The following C1QTNF1 variants were observed in gnomAD, a reference collection of about 807,000 sequenced individuals.
C1QTNF1 encodes the protein C1q and TNF related 1, also known as complement C1q tumor necrosis factor-related protein 1.
C1QTNF1 carries 22 observed loss-of-function variants against 27.8 expected under a neutral mutation model. The observed-to-expected ratio is 0.79, with a 90% confidence interval of 0.56 to 1.13. The LOEUF (loss-of-function observed/expected upper bound fraction) is 1.13, where lower values mean the gene tolerates loss of function less well. C1QTNF1 is among the 50% of genes most tolerant of loss of function. The pLI is 0.00. For synonymous variants in C1QTNF1, 166 were observed against 154.3 expected (o/e 1.08, Z -0.56); for missense variants, 373 against 380.2 (o/e 0.98, Z 0.16).
intron 1 of C1QTNF1, chr17:79,027,625 C>T (rs2072006080): frequency 6.6e-6 from 1 of 152,284 alleles, no homozygotes. Context: ...TGAGATGCTC[C>T]AACTGCTGCC....
chr17:79,045,600 G>A (rs1312899246), intron 2 of C1QTNF1, among the ~76,000 whole-genome samples: 1 of 152,194 alleles, frequency 6.6e-6, no homozygotes, highest in Non-Finnish European at 1.5e-5. Context: ...GTGCCAGGGG[G>A]TTGGCGGAGG....
chr17:79,032,007 C>G (rs796821143), intron 1 of C1QTNF1, among the ~76,000 whole-genome samples: 6 of 152,290 alleles, frequency 3.9e-5, no homozygotes, highest in Admixed American at 6.5e-5. Flanking sequence ...GACGATGGCT[C>G]TGTACTTGGG....
chr17:79,046,970 T>C lies in C1QTNF1; in HGVS notation c.295+276T>C. 3 of 467,856 alleles carry C rather than the reference T, an allele frequency of 6.4e-6. No individual in the cohort carries two copies. The highest frequency in any genetic ancestry group is 1.1e-5 in the Non-Finnish European group (3 of 262,886). 29.0% of individuals were successfully genotyped at this position (467,856 alleles called of 1,614,324 possible). ...GCTACTCGGGGTCTCGTCCCTCCAG[T>C]TGTATGTGGACGCCAGGCTTCTAGG... On this transcript the variant is annotated intron_variant, in intron 3 of 3. Coordinates refer to ENST00000579760, the MANE Select transcript of C1QTNF1 (RefSeq NM_030968.5). The surrounding 1 kb of genome is among the most constrained non-coding windows in gnomAD (Gnocchi z 4.8).
rs148977889 is a variant in C1QTNF1, at chr17:79,047,807, G to A, written c.565G>A (p.Val189Met). The change falls in exon 4 of 4, where the codon GTG (valine) becomes ATG (methionine). Residue 189 changes from valine (V) to methionine (M), a missense_variant. Val to Met is a conservative substitution (Grantham distance 21, BLOSUM62 1). Coordinates refer to ENST00000579760, the MANE Select transcript of C1QTNF1 (RefSeq NM_030968.5). ...GTTCACCGGCAAGTTCTACTGCTAC[G>A]TGCCCGGCCTCTACTTCTTCAGCCT... is the stretch of plus-strand genomic sequence containing the variant. ...NMFTGKFYCYVPGLYFFSLNV... is the reference protein window; with the variant it reads ...NMFTGKFYCYMPGLYFFSLNV... 189 of 1,614,160 alleles carry A rather than the reference G, an allele frequency of 1.2e-4. No homozygotes were observed. In the East Asian group the frequency reaches 4.0e-3, roughly 34 times the overall value.
intron 1 of C1QTNF1, among the ~76,000 whole-genome samples, chr17:79,029,273 C>T (rs1192662461): frequency 6.6e-6 from 1 of 152,176 alleles, no homozygotes; most frequent in Non-Finnish European, 1.5e-5. Context: ...GGAGCCTATG[C>T]TCTCTGGCAT....
intron 1 of C1QTNF1, among the ~76,000 whole-genome samples, chr17:79,037,668 AATTATT>A (rs969392839): frequency 2.6e-5 from 4 of 151,954 alleles, no homozygotes; most frequent in African/African-American, 9.6e-5. Flanking sequence ...GAGGGATAAA[AATTATT>A]ATTATTATTA....
Position 79,046,754 on chromosome 17 carries a change from A to C in C1QTNF1, c.295+60A>C, listed in dbSNP as rs1240050459. 3 of 1,603,104 alleles carry C rather than the reference A, an allele frequency of 1.9e-6. No individual in the cohort carries two copies. The East Asian group carries it at 6.7e-5, about 36-fold the overall frequency. ...GGGCTGCTCTGTGCTGATCCGGAGG[A>C]AGGGATGGAGTCGTTAGGGTGGGGC... On this transcript the variant is annotated intron_variant, in intron 3 of 3. Transcript: ENST00000579760. The surrounding 1 kb of genome is among the most constrained non-coding windows in gnomAD (Gnocchi z 4.8).
Position 79,046,450 on chromosome 17 carries a change from A to T in C1QTNF1, c.156-105A>T, listed in dbSNP as rs905651779. 1.6e-5 allele frequency: 24 copies of T among 1,472,258 alleles called. 1 individual carries two copies. In the South Asian group the frequency reaches 3.0e-4, roughly 18 times the overall value. The allele number at this position is 1,472,258 out of a possible 1,614,324, so 91.2% of individuals were successfully genotyped here. Reference sequence around the variant, plus strand: ...AGAGCCTTGTGGGTCCAGGTGAGAGAGTGAGAAGGCAGGTCAGGCATGCCA... The same window carrying T: ...AGAGCCTTGTGGGTCCAGGTGAGAGTGTGAGAAGGCAGGTCAGGCATGCCA... On this transcript the variant is annotated intron_variant, in intron 2 of 3. Coordinates refer to ENST00000579760, the MANE Select transcript of C1QTNF1 (RefSeq NM_030968.5). The surrounding 1 kb of genome is among the most constrained non-coding windows in gnomAD (Gnocchi z 4.8).
intron 1 of C1QTNF1, chr17:79,025,996 T>G (rs1192819015): frequency 3.6e-6 from 1 of 277,042 alleles, no homozygotes; most frequent in Non-Finnish European, 7.1e-6. Flanking sequence ...TTATAATAAT[T>G]ATTATAATAG....
At chr17:79,027,743 G>A (rs998003213) in intron 1 of C1QTNF1, 3 of 152,308 alleles carry the variant, frequency 2.0e-5, no homozygotes, top group African/African-American at 4.8e-5. Context: ...TCAAGGTCAC[G>A]GCTGTGTGAC....
Position 79,048,942 on chromosome 17 carries a change from C to G in C1QTNF1, c.*854C>G, listed in dbSNP as rs1275130715. 1 of 152,156 alleles carries G rather than the reference C, an allele frequency of 6.6e-6. No individual in the cohort carries two copies. Among genetic ancestry groups the G allele is most frequent in the African/African-American group, 2.4e-5 (1 of 41,516 alleles). 9.4% of individuals were successfully genotyped at this position (152,156 alleles called of 1,614,324 possible). On this transcript the variant is annotated 3_prime_UTR_variant, in exon 4 of 4. Transcript: ENST00000579760. Reference sequence around the variant, plus strand: ...GCTCCACCCCTGTGCCACCCCAGAGCCCTGGGGGGTGGTCTCCATGCCTGC... The same window carrying G: ...GCTCCACCCCTGTGCCACCCCAGAGGCCTGGGGGGTGGTCTCCATGCCTGC...
chr17:79,041,507 G>C (rs59824781), intron 1 of C1QTNF1, among the ~76,000 whole-genome samples: 2 of 152,208 alleles, frequency 1.3e-5, no homozygotes, highest in South Asian at 4.1e-4. Context: ...GTCCTGGGCC[G>C]TGGCTCACGC....
At chr17:79,024,586 C>G (rs1390708520) in intron 1 of C1QTNF1, 92 bp downstream of exon 1, 1 of 152,360 alleles carries the variant, frequency 6.6e-6, no homozygotes, top group East Asian at 1.9e-4. Flanking sequence ...GACACCTGGG[C>G]CGGGACGGAC....
Position 79,046,918 on chromosome 17 carries a change from A to G in C1QTNF1, c.295+224A>G, listed in dbSNP as rs957102171. On this transcript the variant is annotated intron_variant, in intron 3 of 3. Transcript: ENST00000579760. This position sits in a 1 kb window ranked among gnomAD's most constrained non-coding sequence, Gnocchi z 4.8. ...GAGGGGTTGGAAAGGGGCCCACAGG[A>G]CCAAGAGCAGGAGAGGGAGCCCAGA... is the stretch of plus-strand genomic sequence containing the variant. 1.0e-5 allele frequency: 6 copies of G among 596,138 alleles called. No homozygotes were observed. Among genetic ancestry groups the G allele is most frequent in the Non-Finnish European group, 1.7e-5 (6 of 348,104 alleles). The allele number at this position is 596,138 out of a possible 1,614,324, so 36.9% of individuals were successfully genotyped here. A position where few individuals can be genotyped will look rare whatever the true frequency, so the allele number is the denominator to read the frequency against.
In C1QTNF1 at chr17:79,033,491, G is replaced by A. The variant is rs117570724; in HGVS notation, c.-15+8997G>A. Among the ~76,000 whole-genome samples, 1,231 of 152,042 alleles carry A rather than the reference G, an allele frequency of 8.1e-3. 7 individuals are homozygous for A. Among genetic ancestry groups the A allele is most frequent in the Non-Finnish European group, 0.014 (940 of 67,998 alleles). On this transcript the variant is annotated intron_variant, in intron 1 of 3. Transcript: ENST00000579760. ...TTTGGGAGGCCAAGGCTGGAGGATT[G>A]CTTGAGACCAGCCTGGGAAACATAG...
At chr17:79,026,943 C>A (rs1157480943) in intron 1 of C1QTNF1, among the ~76,000 whole-genome samples, 2 of 152,212 alleles carry the variant, frequency 1.3e-5, no homozygotes, top group African/African-American at 4.8e-5. Context: ...CTGTAATTAG[C>A]ATGACTCATA....
intron 2 of C1QTNF1, among the ~76,000 whole-genome samples, chr17:79,044,419 A>C (rs1209354132): frequency 6.6e-6 from 1 of 152,130 alleles, no homozygotes; most frequent in Non-Finnish European, 1.5e-5. Context: ...CAAGCTCCCA[A>C]CCTGCCCTCC....
At position 79,027,991 on chromosome 17, in the gene C1QTNF1, C is replaced by T. The variant is rs138200190; in HGVS notation, c.-15+3497C>T. On this transcript the variant is annotated intron_variant, in intron 1 of 3. Coordinates refer to ENST00000579760, the MANE Select transcript of C1QTNF1 (RefSeq NM_030968.5). ...TCTCCAGCTTCAGATGGGGCTGGCA[C>T]AGACTGCAGGCCCCTCCCCGGGCCC... Among the ~76,000 whole-genome samples, 286 of 152,346 alleles carry T rather than the reference C, an allele frequency of 1.9e-3. 1 individual carries two copies. The highest frequency in any genetic ancestry group is 5.6e-3 in the African/African-American group (231 of 41,582).
chr17:79,042,231 C>G (rs1017722692), intron 1 of C1QTNF1, among the ~76,000 whole-genome samples: 9 of 152,262 alleles, frequency 5.9e-5, no homozygotes, highest in Non-Finnish European at 1.2e-4. Flanking sequence ...CCACCTGAAA[C>G]GGCTGGGCCT....
Sources: allele counts gnomAD v4.1 joint callset (sites outside exome capture counted in the v4.1 genomes callset), GRCh38; gene constraint gnomAD v4.1.1; non-coding constraint Gnocchi (gnomAD v3.1); transcripts MANE v1.5; gene names NCBI Gene and HGNC (gene_info 2026-07-23, HGNC 2026-07-21).